MEIS3: variants seen among roughly 807,000 people sequenced by gnomAD.
The protein encoded by MEIS3 is homeobox protein Meis3.
In MEIS3, 38 loss-of-function variants were observed where a neutral mutation model predicts 51.4. That is an observed-to-expected ratio of 0.74 (90% confidence interval 0.57 to 0.97). The LOEUF (loss-of-function observed/expected upper bound fraction) is 0.97. MEIS3 is among the 50% of genes least tolerant of loss of function. The pLI, the probability that MEIS3 is intolerant of heterozygous loss-of-function variation, is 0.00. For missense variants in MEIS3, 456 were observed against 502.6 expected (o/e 0.91, Z 0.89); for synonymous variants, 198 against 201.8 (o/e 0.98, Z 0.16).
chr19:47,408,785 T>C (rs962032427), intron 8 of MEIS3, among the ~76,000 whole-genome samples: 1 of 152,054 alleles, frequency 6.6e-6, no homozygotes, highest in African/African-American at 2.4e-5. Context: ...TCCTCACCTG[T>C]TAAATGGAGA....
At chr19:47,407,003 C>T (rs953038613) in intron 10 of MEIS3, 32 bp from the exon 11 acceptor site, 3 of 1,573,892 alleles carry the variant, frequency 1.9e-6, no homozygotes, top group Non-Finnish European at 2.6e-6. Flanking sequence ...GCAGGCTGAG[C>T]CCCAGGAAGC....
At chr19:47,406,786 C>A in intron 11 of MEIS3, 102 bp downstream of exon 11, 1 of 1,120,934 alleles carries the variant, frequency 8.9e-7, no homozygotes, top group Non-Finnish European at 1.3e-6. Context: ...AGGCAAGTGA[C>A]ACACTGTATT....
chr19:47,417,567 T>A, intron 1 of MEIS3: 1 of 708,778 alleles, frequency 1.4e-6, no homozygotes. Context: ...CAGGCAGAGA[T>A]TCCTGACATG....
At chr19:47,406,351 G>T in intron 12 of MEIS3, 109 bp downstream of exon 12, 1 of 842,448 alleles carries the variant, frequency 1.2e-6, no homozygotes, top group Non-Finnish European at 2.0e-6. Flanking sequence ...AGAACCCACA[G>T]TACAGGGACC....
In MEIS3 at chr19:47,406,262, A is replaced by G. The variant is rs540291605; in HGVS notation, c.*17+198T>C. ...AGTGAGTGGGTAGATGGATGGATACATGGAGGAGGAGGATGGATGGATGGA... is the reference window on the plus strand; with the variant it reads ...AGTGAGTGGGTAGATGGATGGATACGTGGAGGAGGAGGATGGATGGATGGA... On this transcript the variant is annotated intron_variant, in intron 12 of 12. Coordinates refer to ENST00000558555, the MANE Select transcript of MEIS3 (RefSeq NM_001301059.2). 5 of 518,090 alleles carry G rather than the reference A, an allele frequency of 9.7e-6. No homozygotes were observed. In the South Asian group the frequency reaches 1.2e-4, roughly 12 times the overall value. The allele number at this position is 518,090 out of a possible 1,614,324, so 32.1% of individuals were successfully genotyped here. A position where few individuals can be genotyped will look rare whatever the true frequency, so the allele number is the denominator to read the frequency against.
intron 8 of MEIS3, 56 bp downstream of exon 8, chr19:47,409,043 T>A: frequency 6.3e-7 from 1 of 1,583,388 alleles, no homozygotes; most frequent in Non-Finnish European, 8.6e-7. Context: ...GTCTCTGTGG[T>A]CCACCCTTCT....
At chr19:47,409,987 C>G (rs1469147583) in intron 6 of MEIS3, among the ~76,000 whole-genome samples, 1 of 152,058 alleles carries the variant, frequency 6.6e-6, no homozygotes, top group East Asian at 1.9e-4. Context: ...CTTCCCCACT[C>G]TGAGCCTCCG....
chr19:47,407,756 G>A (rs2122484827), intron 8 of MEIS3: 1 of 486,738 alleles, frequency 2.1e-6, no homozygotes, highest in East Asian at 3.3e-5. Context: ...CAAAGCCCAG[G>A]CCCTCCCTCT....
At chr19:47,413,191 G>A (rs879426089) in intron 6 of MEIS3, among the ~76,000 whole-genome samples, 5 of 151,664 alleles carry the variant, frequency 3.3e-5, no homozygotes, top group Non-Finnish European at 7.4e-5. Context: ...GAAGTCAGGA[G>A]TTCGAGGCCA....
upstream of MEIS3, among the ~76,000 whole-genome samples, chr19:47,422,022 G>A (rs559905622): frequency 4.4e-4 from 66 of 151,468 alleles, no homozygotes; most frequent in African/African-American, 1.6e-3. Flanking sequence ...CCAGCTCCAG[G>A]AGAAGGAAAC....
upstream of MEIS3, among the ~76,000 whole-genome samples, chr19:47,420,938 ACACTCT>A (rs1971692113): frequency 1.2e-5 from 1 of 83,548 alleles, no homozygotes; most frequent in African/African-American, 5.4e-5. Flanking sequence ...ACACACACAC[ACACTCT>A]CTCTCTCTCT....
rs750236177 is a variant in MEIS3 at position 47,414,782 on chromosome 19, G to A, written c.532C>T (p.Arg178Trp). 5.3e-5 allele frequency: 85 copies of A among 1,613,586 alleles called. 1 individual carries two copies. The highest frequency in any genetic ancestry group is 1.7e-4 in the Middle Eastern group (1 of 6,040). ...KMPIDLVIED[R>W]DGGCREDFED... ...AAGTCCTCCCTGCAGCCGCCGTCCCGATCCTCGATGACCAGGTCGATGGGC... is the reference window on the plus strand; with the variant it reads ...AAGTCCTCCCTGCAGCCGCCGTCCCAATCCTCGATGACCAGGTCGATGGGC... The change falls in exon 6 of 13, where the codon CGG becomes TGG. Residue 178 changes from arginine to tryptophan, a missense_variant. Transcript: ENST00000558555.
intron 4 of MEIS3, among the ~76,000 whole-genome samples, chr19:47,415,686 G>A (rs1197044699): frequency 1.3e-5 from 2 of 149,240 alleles, no homozygotes; most frequent in African/African-American, 5.0e-5. Flanking sequence ...CGATTCTCCT[G>A]CCTCAGCCTC....
intron 8 of MEIS3, 127 bp downstream of exon 8, chr19:47,408,972 T>C: frequency 2.8e-6 from 3 of 1,086,474 alleles, no homozygotes; most frequent in Non-Finnish European, 2.7e-6. Flanking sequence ...TCCACCTCCA[T>C]GAGAGTCTCG....
upstream of MEIS3, among the ~76,000 whole-genome samples, chr19:47,421,267 C>T (rs570156467): frequency 3.3e-5 from 5 of 152,250 alleles, no homozygotes; most frequent in South Asian, 4.1e-4. Context: ...AGCGTGGAGC[C>T]CTCTATGAGT....
At chr19:47,407,196 G>C in intron 9 of MEIS3, 59 bp from the exon 10 acceptor site, 1 of 1,562,250 alleles carries the variant, frequency 6.4e-7, no homozygotes, top group South Asian at 1.2e-5. Context: ...GAGAGGCCAA[G>C]ACGAACACAG....
chr19:47,405,324 A>G (rs1970762899), intron 12 of MEIS3, among the ~76,000 whole-genome samples: 2 of 151,684 alleles, frequency 1.3e-5, no homozygotes, highest in African/African-American at 2.4e-5. Context: ...ATTACTCCCT[A>G]CTCTGCCCAG....
upstream of MEIS3, among the ~76,000 whole-genome samples, chr19:47,421,884 C>T (rs1263110556): frequency 6.6e-6 from 1 of 151,884 alleles, no homozygotes; most frequent in African/African-American, 2.4e-5. Context: ...CTTCCTCTCC[C>T]TCTCTCCGCC....
Position 47,416,679 on chromosome 19 carries a change from G to GCC in MEIS3, c.368_369insGG (p.Phe123LeufsTer11). ...GATTGTCCAGTTCTGGGTTGGAGGA[G>GCC]AAGAGGGGCCTCTCAGAGCGAACCT... On this transcript the variant is annotated frameshift_variant, in exon 4 of 13. Transcript: ENST00000558555. LOFTEE classifies it high-confidence loss of function. 2 of 1,558,810 alleles carry GCC rather than the reference G, an allele frequency of 1.3e-6. No homozygotes were observed. Among genetic ancestry groups the GCC allele is most frequent in the Non-Finnish European group, 1.7e-6 (2 of 1,151,348 alleles).
Sources: gnomAD v4.1 joint callset for allele counts (sites outside exome capture counted in the v4.1 genomes callset) on GRCh38, gnomAD v4.1.1 for gene constraint, MANE v1.5 for transcripts, NCBI Gene and HGNC (gene_info 2026-07-23, HGNC 2026-07-21) for gene names.